The following SUGCT variants were observed in gnomAD, a reference collection of about 807,000 sequenced individuals.
SUGCT encodes succinyl-CoA:glutarate-CoA transferase.
In SUGCT, 41 loss-of-function variants were observed where a neutral mutation model predicts 55.0. The observed-to-expected ratio is 0.74, with a 90% confidence interval of 0.58 to 0.97. The LOEUF is 0.97. SUGCT is among the 50% of genes least tolerant of loss of function. SUGCT has a pLI of 0.00. For missense variants in SUGCT, 568 were observed against 547.8 expected (o/e 1.04, Z -0.37); for synonymous variants, 187 against 200.4 (o/e 0.93, Z 0.56).
chr7:40,646,116 C>T (rs1289535129), intron 12 of SUGCT, among the ~76,000 whole-genome samples: 2 of 152,160 alleles, frequency 1.3e-5, no homozygotes, highest in East Asian at 3.9e-4. Context: ...TTTGCTCAAG[C>T]AAGAATCCTA....
intron 9 of SUGCT, among the ~76,000 whole-genome samples, chr7:40,435,681 C>A (rs1282977954): frequency 6.6e-6 from 1 of 152,094 alleles, no homozygotes; most frequent in African/African-American, 2.4e-5. Flanking sequence ...TCTGCTTTTG[C>A]CTATATTCTC....
intron 12 of SUGCT, among the ~76,000 whole-genome samples, chr7:40,608,595 A>C (rs955199557): frequency 1.3e-4 from 20 of 152,234 alleles, no homozygotes; most frequent in African/African-American, 4.6e-4. Context: ...GATTACTCAA[A>C]GCTCATTAGA....
In SUGCT at chr7:40,638,632, T is replaced by G. The variant is rs559768611; in HGVS notation, c.1090-110802T>G. 5.3e-5 allele frequency among the ~76,000 whole-genome samples: 8 copies of G among 152,302 alleles called. No homozygotes were observed. The South Asian group carries it at 1.7e-3, about 32-fold the overall frequency. ...CCCAAGAATAATATGAATTTGTCCT[T>G]TCTGCCTTTGGGGATTTGCTCCATC... On this transcript the variant is annotated intron_variant, in intron 12 of 13. Transcript: ENST00000335693.
chr7:40,672,741 G>A (rs1408198777), intron 12 of SUGCT, among the ~76,000 whole-genome samples: 2 of 152,204 alleles, frequency 1.3e-5, no homozygotes, highest in South Asian at 2.1e-4. Context: ...TGGTTATGTC[G>A]GAGCTCTGTA....
intron 12 of SUGCT, among the ~76,000 whole-genome samples, chr7:40,504,541 T>C (rs755124480): frequency 6.6e-6 from 1 of 152,050 alleles, no homozygotes; most frequent in Non-Finnish European, 1.5e-5. Flanking sequence ...CTCAAGCAAC[T>C]CTCATGCCTC....
intron 13 of SUGCT, among the ~76,000 whole-genome samples, chr7:40,834,030 GTGAGTTC>G (rs1276422832): frequency 6.6e-6 from 1 of 152,176 alleles, no homozygotes; most frequent in African/African-American, 2.4e-5. Flanking sequence ...TCCAGGGTTG[GTGAGTTC>G]TCTTCTGTGC....
In SUGCT at chr7:40,748,327, A is replaced by G. The variant is rs373461002; in HGVS notation, c.1090-1107A>G. Among the ~76,000 whole-genome samples the G allele has an allele frequency of 7.9e-5, 12 of 152,312 alleles. No individual in the cohort carries two copies. The East Asian group carries it at 1.9e-3, about 24-fold the overall frequency. ...GGGTGGGTTAGTTTGAAGTAAGTTT[A>G]TAGTGGCGTGAAAGTAGGGATCTAG... is the stretch of plus-strand genomic sequence containing the variant. On this transcript the variant is annotated intron_variant, in intron 12 of 13. Transcript: ENST00000335693.
At chr7:40,903,191 G>A in the SUGCT span, among the ~76,000 whole-genome samples, 3 of 151,932 alleles carry the variant, frequency 2.0e-5, no homozygotes, top group African/African-American at 2.4e-5. Context: ...GTCACCACTT[G>A]CAGGTAATCA....
chr7:40,286,635 A>G lies in SUGCT; in HGVS notation c.720+11979A>G, dbSNP rs1455789770. 3.3e-5 allele frequency among the ~76,000 whole-genome samples: 5 copies of G among 152,206 alleles called. No homozygotes were observed. In the South Asian group the frequency reaches 1.0e-3, roughly 31 times the overall value. On this transcript the variant is annotated intron_variant, in intron 8 of 13. Coordinates refer to ENST00000335693, the MANE Select transcript of SUGCT (RefSeq NM_001193313.2). Reference sequence around the variant, plus strand: ...AACATGTGAAACTTTCTTCTGCTTCAGGCCTTTGCATTTATTGTTTGGTGT... The same window carrying G: ...AACATGTGAAACTTTCTTCTGCTTCGGGCCTTTGCATTTATTGTTTGGTGT...
intron 9 of SUGCT, among the ~76,000 whole-genome samples, chr7:40,331,324 G>A (rs1440848532): frequency 6.6e-6 from 1 of 151,414 alleles, no homozygotes; most frequent in Non-Finnish European, 1.5e-5. Flanking sequence ...CTTTTCACTT[G>A]TTGCTGCTGA....
intron 12 of SUGCT, among the ~76,000 whole-genome samples, chr7:40,687,631 C>T (rs928124037): frequency 3.3e-5 from 5 of 152,248 alleles, no homozygotes; most frequent in South Asian, 4.1e-4. Flanking sequence ...TGGTTATACC[C>T]GCAATTTTTC....
chr7:40,554,654 A>G (rs1205125328), intron 12 of SUGCT, among the ~76,000 whole-genome samples: 1 of 152,250 alleles, frequency 6.6e-6, no homozygotes, highest in East Asian at 1.9e-4. Context: ...TACAGTCTGC[A>G]TAAAAATGTT....
At chr7:40,956,942 T>G in the SUGCT span, among the ~76,000 whole-genome samples, 1 of 152,022 alleles carries the variant, frequency 6.6e-6, no homozygotes, top group East Asian at 1.9e-4. Flanking sequence ...GTGAGTTTCT[T>G]AATCCTGAGT....
intron 12 of SUGCT, among the ~76,000 whole-genome samples, chr7:40,647,996 C>T (rs1038924311): frequency 1.3e-5 from 2 of 152,070 alleles, no homozygotes; most frequent in African/African-American, 4.8e-5. Context: ...CTTCAAAAAG[C>T]GCAGATGCAT....
chr7:40,989,116 A>G, the SUGCT span, among the ~76,000 whole-genome samples: 1 of 152,166 alleles, frequency 6.6e-6, no homozygotes, highest in South Asian at 2.1e-4. Flanking sequence ...TGCTAAAAAA[A>G]ATACTCAAGA....
chr7:40,336,567 T>C (rs1014250082), intron 9 of SUGCT, among the ~76,000 whole-genome samples: 7 of 152,214 alleles, frequency 4.6e-5, no homozygotes, highest in African/African-American at 1.7e-4. Context: ...TGATGGTAGT[T>C]TGTATTTCTG....
chr7:40,199,055 T>A (rs1312591999), intron 6 of SUGCT, among the ~76,000 whole-genome samples: 2 of 151,942 alleles, frequency 1.3e-5, no homozygotes, highest in Non-Finnish European at 2.9e-5. Context: ...GTTTTTTTTT[T>A]AATAAGACTG....
intron 9 of SUGCT, among the ~76,000 whole-genome samples, chr7:40,367,960 G>C (rs1784098007): frequency 6.6e-6 from 1 of 152,038 alleles, no homozygotes; most frequent in Non-Finnish European, 1.5e-5. Context: ...CAAACCACCT[G>C]CTTTCATTTC....
chr7:40,791,857 A>G (rs1790327595), intron 13 of SUGCT, among the ~76,000 whole-genome samples: 1 of 152,140 alleles, frequency 6.6e-6, no homozygotes, highest in Non-Finnish European at 1.5e-5. Context: ...TTGTGACACA[A>G]GCTCCCTTTG....
Sources: gnomAD v4.1 joint callset for allele counts (sites outside exome capture counted in the v4.1 genomes callset) on GRCh38, gnomAD v4.1.1 for gene constraint, MANE v1.5 for transcripts, NCBI Gene and HGNC (gene_info 2026-07-23, HGNC 2026-07-21) for gene names.